CACNA2D3: variants seen among roughly 807,000 people sequenced by gnomAD.
CACNA2D3 encodes voltage-dependent calcium channel subunit alpha-2/delta-3.
Under a neutral mutation model 160.6 loss-of-function variants are expected in CACNA2D3, and 60 were observed. The observed-to-expected ratio is 0.37, with a 90% CI of 0.30 to 0.46. The LOEUF (loss-of-function observed/expected upper bound fraction) is 0.46. CACNA2D3 is among the 20% of genes least tolerant of loss of function. The pLI is 1.00. For synonymous variants in CACNA2D3, 558 were observed against 492.9 expected (o/e 1.13, Z -1.75); for missense variants, 1,205 against 1,365.0 (o/e 0.88, Z 1.85).
chr3:54,256,296 G>A (rs563325585), intron 2 of CACNA2D3, among the ~76,000 whole-genome samples: 3 of 152,214 alleles, frequency 2.0e-5, no homozygotes, highest in African/African-American at 7.2e-5. Flanking sequence ...AATATGCCTA[G>A]CATTCCATTA....
chr3:54,879,052 A>G lies in CACNA2D3; in HGVS notation c.1745A>G (p.Lys582Arg), dbSNP rs1007108876. 5.6e-6 allele frequency: 9 copies of G among 1,606,340 alleles called. No individual in the cohort carries two copies. The East Asian group carries it at 6.7e-5, about 12-fold the overall frequency. ...RNAMVNRKTG[K>R]FSMEVKKTVD... ...GCTATGGTGAATCGAAAGACGGGGA[A>G]GTTTTCCATGGAGGTGAAGAAGACA... Residue 582 changes from lysine to arginine, a missense_variant, in exon 19 of 38, where the codon AAG (lysine) becomes AGG (arginine). Physicochemically the swap from Lys to Arg is conservative, Grantham distance 26 (BLOSUM62 2). Around this residue, in one of 3 missense-constraint regions of CACNA2D3, gnomAD observed 911 missense variants for 1,002.2 expected, o/e 0.91. Coordinates refer to ENST00000474759, the MANE Select transcript of CACNA2D3 (RefSeq NM_018398.3).
At chr3:54,681,535 C>T (rs1262649185) in intron 11 of CACNA2D3, among the ~76,000 whole-genome samples, 6 of 140,562 alleles carry the variant, frequency 4.3e-5, no homozygotes, top group Non-Finnish European at 6.1e-5. Context: ...CCAGCCTGGG[C>T]GACAGAGTGA....
intron 2 of CACNA2D3, among the ~76,000 whole-genome samples, chr3:54,188,594 G>A (rs141815470): frequency 6.6e-6 from 1 of 152,254 alleles, no homozygotes; most frequent in South Asian, 2.1e-4. Flanking sequence ...CCAACCATAG[G>A]GTTGCTCCTG....
intron 16 of CACNA2D3, among the ~76,000 whole-genome samples, chr3:54,841,006 G>A (rs1698808682): frequency 6.6e-6 from 1 of 152,170 alleles, no homozygotes; most frequent in African/African-American, 2.4e-5. Flanking sequence ...ACAGGCATGA[G>A]CCACCGTGCC....
chr3:54,225,178 C>T (rs1701649630), intron 2 of CACNA2D3, among the ~76,000 whole-genome samples: 1 of 151,978 alleles, frequency 6.6e-6, no homozygotes, highest in Non-Finnish European at 1.5e-5. Context: ...TGTTCAATTC[C>T]CACCTAAGAG....
At chr3:54,973,064 A>G (rs1229851071) in intron 29 of CACNA2D3, among the ~76,000 whole-genome samples, 1 of 152,132 alleles carries the variant, frequency 6.6e-6, no homozygotes, top group Non-Finnish European at 1.5e-5. Context: ...TGCGGTAGTC[A>G]GCGAAGGCTT....
intron 17 of CACNA2D3, among the ~76,000 whole-genome samples, chr3:54,854,559 C>G (rs1699125792): frequency 6.6e-6 from 1 of 152,006 alleles, no homozygotes; most frequent in African/African-American, 2.4e-5. Flanking sequence ...GCTTATGAAT[C>G]CCCTTTGGGT....
intron 3 of CACNA2D3, among the ~76,000 whole-genome samples, chr3:54,342,644 T>C (rs947845864): frequency 6.6e-6 from 1 of 152,214 alleles, no homozygotes; most frequent in Admixed American, 6.5e-5. Context: ...AAATCATTGA[T>C]AAGAACGGCA....
At chr3:54,685,092 G>A (rs889895644) in intron 11 of CACNA2D3, among the ~76,000 whole-genome samples, 2 of 152,160 alleles carry the variant, frequency 1.3e-5, no homozygotes, top group African/African-American at 2.4e-5. Context: ...AGGCTCCAGA[G>A]AACAAAAGCC....
chr3:54,790,096 G>A (rs1702721104), intron 13 of CACNA2D3, among the ~76,000 whole-genome samples: 1 of 151,874 alleles, frequency 6.6e-6, no homozygotes, highest in African/African-American at 2.4e-5. Flanking sequence ...GTGTACTAGG[G>A]TAGTTAGGAA....
At chr3:54,243,680 A>G (rs1702014973) in intron 2 of CACNA2D3, among the ~76,000 whole-genome samples, 1 of 152,218 alleles carries the variant, frequency 6.6e-6, no homozygotes, top group African/African-American at 2.4e-5. Flanking sequence ...CCTGCTATAC[A>G]TACAGCGTCC....
intron 17 of CACNA2D3, among the ~76,000 whole-genome samples, chr3:54,851,887 A>T (rs1163471412): frequency 6.6e-6 from 1 of 152,208 alleles, no homozygotes; most frequent in Non-Finnish European, 1.5e-5. Flanking sequence ...TACATGGCAC[A>T]TCTCAATTCA....
chr3:54,553,827 C>A (rs1324458615), intron 5 of CACNA2D3, among the ~76,000 whole-genome samples: 1 of 152,188 alleles, frequency 6.6e-6, no homozygotes, highest in Non-Finnish European at 1.5e-5. Flanking sequence ...TTTCTGATTG[C>A]CTGTCCTGGG....
chr3:54,484,103 C>T (rs1700976333), intron 4 of CACNA2D3, among the ~76,000 whole-genome samples: 1 of 152,146 alleles, frequency 6.6e-6, no homozygotes, highest in Non-Finnish European at 1.5e-5. Flanking sequence ...TGAGTAAGAC[C>T]TCAAGAAACC....
chr3:54,630,238 C>A (rs1209872977), intron 10 of CACNA2D3, among the ~76,000 whole-genome samples: 1 of 152,082 alleles, frequency 6.6e-6, no homozygotes, highest in Non-Finnish European at 1.5e-5. Flanking sequence ...CCACTGAGAA[C>A]CCAGGTCTCT....
At chr3:54,635,610 G>A (rs571697150) in intron 10 of CACNA2D3, among the ~76,000 whole-genome samples, 20 of 148,838 alleles carry the variant, frequency 1.3e-4, no homozygotes, top group African/African-American at 3.0e-4. Flanking sequence ...GTAGCATTCC[G>A]AGGACAGGCC....
intron 4 of CACNA2D3, among the ~76,000 whole-genome samples, chr3:54,474,686 G>C (rs908756035): frequency 6.6e-6 from 1 of 152,018 alleles, no homozygotes; most frequent in African/African-American, 2.4e-5. Context: ...AGAAGGGGAA[G>C]AGGGAAAATG....
chr3:54,455,174 T>G (rs1374718545), intron 4 of CACNA2D3, among the ~76,000 whole-genome samples: 2 of 152,198 alleles, frequency 1.3e-5, no homozygotes, highest in Non-Finnish European at 2.9e-5. Flanking sequence ...ACCTCCATAC[T>G]GTTTTCCATA....
intron 9 of CACNA2D3, among the ~76,000 whole-genome samples, chr3:54,612,788 A>C (rs183167195): frequency 4.6e-5 from 7 of 152,300 alleles, no homozygotes; most frequent in Non-Finnish European, 8.8e-5. Flanking sequence ...CCTACCTGCT[A>C]ATCGCCCCAT....
Sources: allele counts gnomAD v4.1 joint callset (sites outside exome capture counted in the v4.1 genomes callset), GRCh38; gene constraint gnomAD v4.1.1; regional missense constraint gnomAD v4.1.1; transcripts MANE v1.5; gene names NCBI Gene and HGNC (gene_info 2026-07-23, HGNC 2026-07-21).